FANCB: variants seen among roughly 807,000 people sequenced by gnomAD.
FANCB encodes the protein FA complementation group B.
FANCB carries 5 observed loss-of-function variants against 38.9 expected under a neutral mutation model. That is an observed-to-expected ratio of 0.13 (90% confidence interval 0.07 to 0.27). The LOEUF is 0.27. Among genes scored for constraint, FANCB ranks in the 10% least tolerant of loss-of-function variants. The probability of loss-of-function intolerance (pLI) is 1.00; values close to 1 mark genes in which losing one functional copy is unlikely to be tolerated. For missense variants in FANCB, 573 were observed against 602.7 expected (o/e 0.95, Z 0.52); for synonymous variants, 236 against 215.4 (o/e 1.10, Z -0.84).
At chrX:14,712,473 A>G in the FANCB span, among the ~76,000 whole-genome samples, 5 of 110,620 alleles carry the variant, frequency 4.5e-5, no homozygotes, top group Admixed American at 1.9e-4. Context: ...TTTCTGTCCA[A>G]CGCTTGGTAC....
chrX:14,830,607 A>G, the FANCB span, among the ~76,000 whole-genome samples: 1 of 111,763 alleles, frequency 8.9e-6, no homozygotes, highest in African/African-American at 3.3e-5. Flanking sequence ...ATTTAAATCA[A>G]TACTTCATCA....
chrX:14,736,690 T>C, the FANCB span, among the ~76,000 whole-genome samples: 1 of 112,032 alleles, frequency 8.9e-6, no homozygotes, highest in Non-Finnish European at 1.9e-5. Context: ...TTTGGCCATC[T>C]TCCAAAATGT....
At chrX:14,804,197 C>T in the FANCB span, among the ~76,000 whole-genome samples, 62 of 111,596 alleles carry the variant, frequency 5.6e-4, no homozygotes, top group African/African-American at 2.0e-3. Flanking sequence ...ATGTTTATTG[C>T]GGCACTATTC....
intron 2 of FANCB, among the ~76,000 whole-genome samples, chrX:14,866,404 T>C (rs1472024573): frequency 9.0e-6 from 1 of 111,729 alleles, no homozygotes; most frequent in Non-Finnish European, 1.9e-5. Context: ...AGTACCCTTA[T>C]TATTCTACCT....
rs927015579 is a variant in FANCB, at chrX:14,843,509, C to T, written c.*58G>A. 122 of 946,643 alleles carry T rather than the reference C, an allele frequency of 1.3e-4. No homozygotes were observed. The African/African-American group carries it at 2.3e-3, about 18-fold the overall frequency. The allele number at this position is 946,643 out of a possible 1,213,427, so 78.0% of individuals were successfully genotyped here. The stretch of plus-strand genomic sequence containing the variant: ...AAAGGAGGCATATAGCAAGTAGAAC[C>T]AAAATCTTATATGGTGGTGAAAACA... On this transcript the variant is annotated 3_prime_UTR_variant, in exon 10 of 10. Transcript: ENST00000650831.
At chrX:14,775,175 T>TC in the FANCB span, among the ~76,000 whole-genome samples, 1 of 97,408 alleles carries the variant, frequency 1.0e-5, no homozygotes, top group Non-Finnish European at 2.1e-5. Flanking sequence ...TTTTTTTTTT[T>TC]TTTTTTTTTT....
At chrX:14,810,416 G>GA in the FANCB span, among the ~76,000 whole-genome samples, 43 of 111,744 alleles carry the variant, frequency 3.8e-4, no homozygotes, top group Admixed American at 4.7e-4. Flanking sequence ...TAAAAACTTT[G>GA]AAAAAAATTT....
chrX:14,853,061 T>A lies in FANCB; in HGVS notation c.1304A>T (p.Asp435Val). The A allele has an allele frequency of 8.3e-7, 1 of 1,203,438 alleles. No homozygotes were observed. Among genetic ancestry groups the A allele is most frequent in the Non-Finnish European group, 1.1e-6 (1 of 888,479 alleles). Reference sequence around the variant, plus strand: ...TACCTCCTCTGCACTTGACGTATTATCATCTTTTCCTTGAACTAGGTTTAT... The same window carrying A: ...TACCTCCTCTGCACTTGACGTATTAACATCTTTTCCTTGAACTAGGTTTAT... The part of the protein sequence containing the change: ...ALINLVQGKD[D>V]NTSSAEEKEC... Residue 435 changes from aspartate (D) to valine (V), a missense_variant, in exon 6 of 10, where the codon GAT becomes GTT. Asp to Val is a radical substitution (Grantham distance 152). Coordinates refer to ENST00000650831, the MANE Select transcript of FANCB (RefSeq NM_001018113.3).
the FANCB span, among the ~76,000 whole-genome samples, chrX:14,743,276 T>C: frequency 9.0e-6 from 1 of 111,698 alleles, no homozygotes; most frequent in East Asian, 2.8e-4. Flanking sequence ...AATGATGAGA[T>C]TTGCCCCACC....
chrX:14,864,295 A>C (rs1026977539), intron 3 of FANCB, among the ~76,000 whole-genome samples: 13 of 111,858 alleles, frequency 1.2e-4, no homozygotes, highest in Non-Finnish European at 2.3e-4. Context: ...TAGAAAAATA[A>C]ATACATAATT....
At chrX:14,789,033 G>T in the FANCB span, among the ~76,000 whole-genome samples, 1 of 111,940 alleles carries the variant, frequency 8.9e-6, no homozygotes, top group Admixed American at 9.5e-5. Context: ...TTAGAGTCAG[G>T]TCCTATCCTA....
At chrX:14,829,225 G>A in the FANCB span, among the ~76,000 whole-genome samples, 1 of 111,769 alleles carries the variant, frequency 8.9e-6, no homozygotes, top group Non-Finnish European at 1.9e-5. Flanking sequence ...CTGAGCAGTA[G>A]ATCTCAACAG....
chrX:14,716,184 C>T, the FANCB span, among the ~76,000 whole-genome samples: 2 of 111,221 alleles, frequency 1.8e-5, no homozygotes, highest in African/African-American at 6.5e-5. Context: ...TATCAACCAG[C>T]TAGAGATTAG....
the FANCB span, among the ~76,000 whole-genome samples, chrX:14,791,996 A>G: frequency 8.9e-6 from 1 of 112,025 alleles, no homozygotes; most frequent in Non-Finnish European, 1.9e-5. Flanking sequence ...GGTAAGAATG[A>G]CAAAAACAAA....
At chrX:14,776,394 T>C in the FANCB span, among the ~76,000 whole-genome samples, 1 of 111,973 alleles carries the variant, frequency 8.9e-6, no homozygotes, top group African/African-American at 3.3e-5. Context: ...AGAGCAACAG[T>C]TCAAATCTTG....
the FANCB span, among the ~76,000 whole-genome samples, chrX:14,769,142 T>G: frequency 3.6e-5 from 4 of 111,399 alleles, no homozygotes; most frequent in African/African-American, 1.3e-4. Flanking sequence ...TTGTATCTCT[T>G]CCAGGATTTG....
At chrX:14,833,682 G>A (rs933538611), downstream of FANCB, among the ~76,000 whole-genome samples, 341 of 100,945 alleles carry the variant, frequency 3.4e-3, 1 homozygote, top group African/African-American at 0.012. Context: ...TGTGGGGGGG[G>A]TTCACACCTG....
the FANCB span, among the ~76,000 whole-genome samples, chrX:14,793,971 C>T: frequency 9.0e-6 from 1 of 111,297 alleles, no homozygotes; most frequent in African/African-American, 3.3e-5. Flanking sequence ...GAGTTTAGGC[C>T]AGAACATGGA....
At chrX:14,862,631 C>T (rs1406965406) in intron 3 of FANCB, among the ~76,000 whole-genome samples, 2 of 111,971 alleles carry the variant, frequency 1.8e-5, no homozygotes, top group African/African-American at 6.5e-5. Flanking sequence ...TAACTGATGA[C>T]AGCCCTGGCT....
Sources: gnomAD v4.1 joint callset for allele counts (sites outside exome capture counted in the v4.1 genomes callset) on GRCh38, gnomAD v4.1.1 for gene constraint, MANE v1.5 for transcripts, NCBI Gene and HGNC (gene_info 2026-07-23, HGNC 2026-07-21) for gene names.